TBL1X: variants seen among roughly 807,000 people sequenced by gnomAD.
The protein encoded by TBL1X is transducin beta like 1 X-linked.
TBL1X carries 10 observed loss-of-function variants against 50.7 expected under a neutral mutation model. That is an observed-to-expected ratio of 0.20 (90% CI 0.12 to 0.33). The LOEUF is 0.33. Among genes scored for constraint, TBL1X ranks in the 10% least tolerant of loss-of-function variants. The pLI, the probability that TBL1X is intolerant of heterozygous loss-of-function variation, is 1.00. For missense variants in TBL1X, 340 were observed against 504.4 expected, an observed-to-expected ratio of 0.67 and a Z score of 3.12; for synonymous variants, 190 against 214.7, an observed-to-expected ratio of 0.88 and a Z score of 1.01.
intron 1 of TBL1X, among the ~76,000 whole-genome samples, chrX:9,500,631 C>T (rs1454175626): frequency 8.9e-6 from 1 of 111,855 alleles, no homozygotes; most frequent in Non-Finnish European, 1.9e-5. Flanking sequence ...CAAACAGAAC[C>T]TGCACCTACC....
intron 1 of TBL1X, among the ~76,000 whole-genome samples, chrX:9,470,412 A>G (rs946198919): frequency 2.7e-5 from 3 of 112,369 alleles, no homozygotes; most frequent in African/African-American, 9.7e-5. Flanking sequence ...GTGCCACCAC[A>G]CCTGGCTAAT....
intron 2 of TBL1X, among the ~76,000 whole-genome samples, chrX:9,570,621 T>G (rs945986779): frequency 1.4e-4 from 15 of 111,005 alleles, no homozygotes; most frequent in Admixed American, 3.8e-4. Context: ...AGAATGTTGG[T>G]TTTTTTAGTG....
chrX:9,505,001 A>AGG (rs2082019160), intron 2 of TBL1X, among the ~76,000 whole-genome samples: 1 of 111,554 alleles, frequency 9.0e-6, no homozygotes, highest in African/African-American at 3.3e-5. Flanking sequence ...ACCCCAAGAC[A>AGG]CATAATCATC....
chrX:9,583,703 G>C (rs2082453950), intron 2 of TBL1X, among the ~76,000 whole-genome samples: 1 of 112,220 alleles, frequency 8.9e-6, no homozygotes, highest in African/African-American at 3.2e-5. Flanking sequence ...TTAGATTGTT[G>C]TGAAGATAAA....
chrX:9,677,581 C>T (rs1244520620), intron 5 of TBL1X, among the ~76,000 whole-genome samples: 1 of 110,918 alleles, frequency 9.0e-6, no homozygotes, highest in African/African-American at 3.3e-5. Flanking sequence ...CTTTACTCCC[C>T]GACTACTGTA....
intron 2 of TBL1X, among the ~76,000 whole-genome samples, chrX:9,615,858 T>C (rs942546791): frequency 5.3e-5 from 6 of 112,283 alleles, no homozygotes; most frequent in Admixed American, 9.4e-5. Context: ...TGTGAATCCT[T>C]CTTCACTGCG....
In TBL1X at chrX:9,467,300, G is replaced by A. The variant is rs764914672; in HGVS notation, c.-201+1853G>A. Among the ~76,000 whole-genome samples the A allele has an allele frequency of 1.1e-4, 12 of 111,840 alleles. No individual in the cohort carries two copies. The South Asian group carries it at 1.1e-3, about 11-fold the overall frequency. On this transcript the variant is annotated intron_variant, in intron 1 of 17. Transcript: ENST00000645353. ...CAGATTATCCGATCTACTCCTGCTGGATAGGAGCACACCTCCGCTAGAACC... is the reference window on the plus strand; with the variant it reads ...CAGATTATCCGATCTACTCCTGCTGAATAGGAGCACACCTCCGCTAGAACC...
intron 3 of TBL1X, among the ~76,000 whole-genome samples, chrX:9,644,153 G>A (rs1282154509): frequency 1.8e-5 from 2 of 112,264 alleles, no homozygotes; most frequent in Non-Finnish European, 3.8e-5. Context: ...AAGGCCCGGT[G>A]CACATTGTGT....
intron 2 of TBL1X, among the ~76,000 whole-genome samples, chrX:9,529,508 G>A (rs1481489927): frequency 8.9e-6 from 1 of 111,868 alleles, no homozygotes; most frequent in Non-Finnish European, 1.9e-5. Flanking sequence ...AGGAAGGCAG[G>A]CATGGCACAG....
rs144884128 is a variant in TBL1X, at chrX:9,468,573, G to A, written c.-201+3126G>A. ...CCCAGAGGTGCCCCAAGCCCTGCCT[G>A]GTCATGGGGAATCTGGGCTCCCGCT... On this transcript the variant is annotated intron_variant, in intron 1 of 17. Transcript: ENST00000645353. Among the ~76,000 whole-genome samples the A allele has an allele frequency of 6.9e-3, 763 of 111,233 alleles. 9 individuals are homozygous for A. The highest frequency in any genetic ancestry group is 0.024 in the African/African-American group (731 of 30,559).
intron 2 of TBL1X, among the ~76,000 whole-genome samples, chrX:9,506,040 C>T (rs757063736): frequency 8.9e-6 from 1 of 112,423 alleles, no homozygotes; most frequent in South Asian, 3.7e-4. Flanking sequence ...AAATCAACCA[C>T]ACAATTGGAA....
At chrX:9,473,843 G>T (rs1027777675) in intron 1 of TBL1X, among the ~76,000 whole-genome samples, 2 of 112,515 alleles carry the variant, frequency 1.8e-5, no homozygotes, top group Non-Finnish European at 1.9e-5. Context: ...TCATAAGTTC[G>T]TGAAAATAAG....
At chrX:9,600,678 CG>C (rs1440200393) in intron 2 of TBL1X, among the ~76,000 whole-genome samples, 3 of 111,002 alleles carry the variant, frequency 2.7e-5, no homozygotes, top group Non-Finnish European at 5.7e-5. Context: ...TCCCGAGGCC[CG>C]GGGAAAGCTT....
chrX:9,475,459 T>C (rs912981744), intron 1 of TBL1X, among the ~76,000 whole-genome samples: 2 of 110,504 alleles, frequency 1.8e-5, no homozygotes, highest in Non-Finnish European at 3.8e-5. Flanking sequence ...TTGGCCAGGC[T>C]GGTTTCGAAC....
At chrX:9,693,489 T>A (rs1439513711) in intron 11 of TBL1X, 70 bp downstream of exon 11, 20 of 1,013,764 alleles carry the variant, frequency 2.0e-5, no homozygotes, top group African/African-American at 3.8e-5. Flanking sequence ...CAAAATAACA[T>A]CGTGGTTTCT....
chrX:9,666,466 A>G (rs777601186), intron 5 of TBL1X, among the ~76,000 whole-genome samples: 15 of 112,034 alleles, frequency 1.3e-4, no homozygotes, highest in African/African-American at 4.9e-4. Flanking sequence ...AGAAACATTA[A>G]TGCATTTAGG....
intron 5 of TBL1X, among the ~76,000 whole-genome samples, chrX:9,683,322 T>C (rs1041814309): frequency 3.4e-4 from 38 of 111,975 alleles, no homozygotes; most frequent in Non-Finnish European, 6.0e-4. Context: ...AGAGCCTTCA[T>C]CCAAAGCTGA....
chrX:9,575,972 C>G (rs1277936456), intron 2 of TBL1X, among the ~76,000 whole-genome samples: 1 of 111,962 alleles, frequency 8.9e-6, no homozygotes, highest in East Asian at 2.8e-4. Context: ...CTTTCAAAAA[C>G]ATTAATATCA....
At chrX:9,479,184 C>T (rs2081865793) in intron 1 of TBL1X, among the ~76,000 whole-genome samples, 1 of 112,967 alleles carries the variant, frequency 8.9e-6, no homozygotes, top group South Asian at 3.6e-4. Context: ...GTAGGCCAGG[C>T]GCAGTGGCTC....
Sources: allele counts gnomAD v4.1 joint callset (sites outside exome capture counted in the v4.1 genomes callset), GRCh38; gene constraint gnomAD v4.1.1; transcripts MANE v1.5; gene names NCBI Gene and HGNC (gene_info 2026-07-23, HGNC 2026-07-21).